The following PARPBP variants were observed in gnomAD, a reference collection of about 807,000 sequenced individuals.
PARPBP encodes the protein PCNA-interacting partner.
A neutral mutation model predicts 50.0 loss-of-function variants in PARPBP; 52 were observed. The ratio of observed to expected loss-of-function variants is 1.04; its 90% CI spans 0.83 to 1.31. The LOEUF (loss-of-function observed/expected upper bound fraction) is 1.31, where lower values mean the gene tolerates loss of function less well. Ranked by LOEUF, PARPBP falls within the 50% of genes most tolerant of loss-of-function variation. The pLI is 0.00. For synonymous variants in PARPBP, 244 were observed against 232.1 expected (o/e 1.05, Z -0.47); for missense variants, 697 against 672.0 (o/e 1.04, Z -0.41).
intron 1 of PARPBP, 157 bp downstream of exon 1, chr12:102,120,443 T>G (rs1565841850): frequency 2.2e-6 from 1 of 456,526 alleles, no homozygotes; most frequent in Admixed American, 2.3e-5. Flanking sequence ...CGAGCCTGGT[T>G]GGGCCTGGGG....
intron 2 of PARPBP, among the ~76,000 whole-genome samples, chr12:102,131,925 T>C (rs1453077212): frequency 1.3e-5 from 2 of 151,904 alleles, no homozygotes; most frequent in Non-Finnish European, 2.9e-5. Flanking sequence ...TCTGTACAGC[T>C]GGGCGCTGTG....
intron 6 of PARPBP, among the ~76,000 whole-genome samples, chr12:102,171,197 A>G (rs1375768335): frequency 2.6e-5 from 4 of 151,946 alleles, no homozygotes; most frequent in Non-Finnish European, 5.9e-5. Context: ...AAATAATGAT[A>G]AAAGGTATAG....
At chr12:102,195,198 G>A (rs1239382414) in intron 9 of PARPBP, 114 bp from the exon 10 acceptor site, 1 of 585,942 alleles carries the variant, frequency 1.7e-6, no homozygotes, top group Non-Finnish European at 2.8e-6. Context: ...ATGAGTAATA[G>A]AATTTCTAAG....
intron 6 of PARPBP, among the ~76,000 whole-genome samples, chr12:102,171,225 AAG>A (rs562800005): frequency 5.3e-4 from 81 of 152,228 alleles, no homozygotes; most frequent in African/African-American, 1.8e-3. Flanking sequence ...ATAAACCAGT[AAG>A]AGTCATTTAT....
intron 9 of PARPBP, among the ~76,000 whole-genome samples, chr12:102,192,015 A>C (rs1436597169): frequency 6.6e-6 from 1 of 152,154 alleles, no homozygotes; most frequent in Non-Finnish European, 1.5e-5. Flanking sequence ...TCTTGTGTAG[A>C]AAAATTCAAC....
At chr12:102,155,945 G>A (rs549737112) in intron 4 of PARPBP, among the ~76,000 whole-genome samples, 6 of 152,208 alleles carry the variant, frequency 3.9e-5, no homozygotes, top group Admixed American at 2.0e-4. Flanking sequence ...AACACTAGTC[G>A]CTGGGTTCCA....
At chr12:102,166,012 T>C (rs1888106109) in intron 6 of PARPBP, 129 bp downstream of exon 6, 2 of 604,696 alleles carry the variant, frequency 3.3e-6, no homozygotes, top group South Asian at 4.6e-5. Flanking sequence ...AAACAAAATC[T>C]AGATGAATAA....
Position 102,186,569 on chromosome 12 carries a change from A to G in PARPBP, c.1263+3942A>G, listed in dbSNP as rs572466205. The stretch of plus-strand genomic sequence containing the variant: ...TTTTTAATTTCCTTTTTAATTTATT[A>G]AGCACTTTAAGTAAGTTATTATAAG... On this transcript the variant is annotated intron_variant, in intron 9 of 10. Transcript: ENST00000327680. 2.6e-5 allele frequency among the ~76,000 whole-genome samples: 4 copies of G among 152,188 alleles called. No homozygotes were observed. The South Asian group carries it at 8.3e-4, about 32-fold the overall frequency.
At chr12:102,150,002 G>T (rs1885972368) in intron 3 of PARPBP, among the ~76,000 whole-genome samples, 1 of 152,154 alleles carries the variant, frequency 6.6e-6, no homozygotes, top group Non-Finnish European at 1.5e-5. Context: ...TGAGGTCTTT[G>T]GGCGCATTGT....
chr12:102,196,521 A>T lies in PARPBP; in HGVS notation c.*230A>T. On this transcript the variant is annotated 3_prime_UTR_variant, in exon 11 of 11. Coordinates refer to ENST00000327680, the MANE Select transcript of PARPBP (RefSeq NM_017915.5). ...AGCATATCATTTCAGTTACTGATAC[A>T]TCTTAACACTACTTTCTTTTAAAAC... The T allele has an allele frequency of 2.5e-6, 2 of 790,052 alleles. No homozygotes were observed. Among genetic ancestry groups the T allele is most frequent in the South Asian group, 1.5e-5 (1 of 65,056 alleles). The allele number at this position is 790,052 out of a possible 1,614,324, so 48.9% of individuals were successfully genotyped here.
intron 9 of PARPBP, among the ~76,000 whole-genome samples, chr12:102,189,498 A>G (rs1565904971): frequency 2.6e-5 from 4 of 152,222 alleles, no homozygotes; most frequent in Admixed American, 1.3e-4. Context: ...ATTGTAATTA[A>G]TTATCCGCAC....
intron 4 of PARPBP, among the ~76,000 whole-genome samples, chr12:102,161,380 A>G (rs1249764060): frequency 6.6e-6 from 1 of 152,128 alleles, no homozygotes; most frequent in Non-Finnish European, 1.5e-5. Context: ...TGGTGGGATT[A>G]CAGGTGTGAG....
intron 6 of PARPBP, 61 bp from the exon 7 acceptor site, chr12:102,175,422 G>T: frequency 9.4e-7 from 1 of 1,066,872 alleles, no homozygotes; most frequent in Non-Finnish European, 1.4e-6. Flanking sequence ...ATATTTTCAA[G>T]TCTATAAGCA....
chr12:102,166,541 CA>C, intron 6 of PARPBP, among the ~76,000 whole-genome samples: 1 of 152,224 alleles, frequency 6.6e-6, no homozygotes, highest in African/African-American at 2.4e-5. Context: ...ACATGTCAGA[CA>C]TTGTGCTAAG....
rs1406598105 is a variant in PARPBP, at chr12:102,120,627, C to T, written c.-4+341C>T. On this transcript the variant is annotated intron_variant, in intron 1 of 10. Coordinates refer to ENST00000327680, the MANE Select transcript of PARPBP (RefSeq NM_017915.5). ...TCCAATTCCTCAACTTTCTCCTACT[C>T]CTGATTAGTTACAGCCTCCCAAGGA... 1.6e-5 allele frequency: 6 copies of T among 375,416 alleles called. No individual in the cohort carries two copies. In the East Asian group the frequency reaches 4.6e-4, roughly 29 times the overall value. 23.3% of individuals were successfully genotyped at this position (375,416 alleles called of 1,614,324 possible).
intron 2 of PARPBP, among the ~76,000 whole-genome samples, chr12:102,132,284 T>A (rs1346153457): frequency 6.6e-6 from 1 of 151,444 alleles, no homozygotes; most frequent in East Asian, 1.9e-4. Context: ...CCTGCACATA[T>A]ACCCCTGAAC....
chr12:102,145,899 A>G (rs1030283382), intron 2 of PARPBP, among the ~76,000 whole-genome samples: 1 of 152,208 alleles, frequency 6.6e-6, no homozygotes, highest in Non-Finnish European at 1.5e-5. Context: ...AAGGCCGAGA[A>G]GCAATGGCTC....
intron 1 of PARPBP, among the ~76,000 whole-genome samples, chr12:102,122,668 A>C (rs889909226): frequency 3.3e-5 from 5 of 152,180 alleles, no homozygotes; most frequent in African/African-American, 1.2e-4. Flanking sequence ...TTATTTTGAA[A>C]GGCTTTTGTG....
At chr12:102,180,660 G>A (rs371495709) in intron 8 of PARPBP, among the ~76,000 whole-genome samples, 2 of 152,276 alleles carry the variant, frequency 1.3e-5, no homozygotes, top group East Asian at 1.9e-4. Context: ...GCTTGAGGCC[G>A]CAGTGAGCTA....
Sources: gnomAD v4.1 joint callset for allele counts (sites outside exome capture counted in the v4.1 genomes callset) on GRCh38, gnomAD v4.1.1 for gene constraint, MANE v1.5 for transcripts, NCBI Gene and HGNC (gene_info 2026-07-23, HGNC 2026-07-21) for gene names.